Variants in DYNC2H1 observed in about 807,000 individuals in gnomAD.
DYNC2H1 encodes the protein dynein cytoplasmic 2 heavy chain 1, also known as cytoplasmic dynein 2 heavy chain 1.
Under a neutral mutation model 570.0 loss-of-function variants are expected in DYNC2H1, and 410 were observed. The ratio of observed to expected loss-of-function variants is 0.72; its 90% CI spans 0.66 to 0.78. The LOEUF (loss-of-function observed/expected upper bound fraction) is 0.78, where lower values mean the gene tolerates loss of function less well. DYNC2H1 is among the 30% of genes least tolerant of loss of function. The pLI, the probability that DYNC2H1 is intolerant of heterozygous loss-of-function variation, is 0.00. For missense variants in DYNC2H1, 4,865 were observed against 5,046.4 expected (o/e 0.96, Z 1.09); for synonymous variants, 1,688 against 1,677.6 (o/e 1.01, Z -0.15).
chr11:103,443,174 G>A (rs183516480), intron 85 of DYNC2H1, among the ~76,000 whole-genome samples: 228 of 152,052 alleles, frequency 1.5e-3, no homozygotes, highest in Middle Eastern at 6.8e-3. Flanking sequence ...TACAATGGAA[G>A]GTTGTGAACA....
chr11:103,313,352 G>A (rs1490633278), intron 79 of DYNC2H1, among the ~76,000 whole-genome samples: 1 of 152,020 alleles, frequency 6.6e-6, no homozygotes, highest in East Asian at 1.9e-4. Context: ...TTTTTCCATT[G>A]CCATGGCAGT....
intron 84 of DYNC2H1, among the ~76,000 whole-genome samples, chr11:103,419,440 G>T (rs1237076125): frequency 3.3e-5 from 5 of 152,120 alleles, no homozygotes; most frequent in African/African-American, 1.2e-4. Flanking sequence ...GGAGCAGGCT[G>T]CCATCTCTGC....
At chr11:103,361,162 G>A (rs751049483) in intron 83 of DYNC2H1, among the ~76,000 whole-genome samples, 68 of 152,200 alleles carry the variant, frequency 4.5e-4, no homozygotes, top group Non-Finnish European at 7.9e-4. Context: ...AAATTCATAT[G>A]TTGAAGTCTT....
chr11:103,259,857 T>C (rs1165263548), intron 69 of DYNC2H1, 31 bp from the exon 70 acceptor site: 5 of 1,393,284 alleles, frequency 3.6e-6, no homozygotes, highest in Non-Finnish European at 1.9e-6. Context: ...GTTTATAAAT[T>C]TCCTAATGAA....
At chr11:103,294,643 C>T (rs145012984) in intron 75 of DYNC2H1, among the ~76,000 whole-genome samples, 167 of 152,230 alleles carry the variant, frequency 1.1e-3, no homozygotes, top group African/African-American at 2.8e-3. Context: ...CCTTGACCAC[C>T]GCAGCTGGCA....
At chr11:103,121,517 T>A (rs1858711697) in intron 10 of DYNC2H1, 21 bp downstream of exon 10, 1 of 1,608,842 alleles carries the variant, frequency 6.2e-7, no homozygotes, top group Non-Finnish European at 8.5e-7. Context: ...TAATAAAAGA[T>A]GAAGAGTACT....
At chr11:103,451,600 G>T (rs1159681335) in intron 85 of DYNC2H1, among the ~76,000 whole-genome samples, 1 of 151,878 alleles carries the variant, frequency 6.6e-6, no homozygotes, top group Non-Finnish European at 1.5e-5. Context: ...CAAAGTGCTG[G>T]GATTACAGGC....
intron 83 of DYNC2H1, among the ~76,000 whole-genome samples, chr11:103,371,344 C>T (rs1284270865): frequency 6.6e-6 from 1 of 151,868 alleles, no homozygotes; most frequent in Admixed American, 6.6e-5. Flanking sequence ...GAGTTATTGG[C>T]CTTAAAGAGG....
chr11:103,264,058 C>G lies in DYNC2H1; in HGVS notation c.10695+4081C>G, dbSNP rs1214054148. 1.3e-5 allele frequency among the ~76,000 whole-genome samples: 2 copies of G among 152,168 alleles called. No individual in the cohort carries two copies. Among genetic ancestry groups the G allele is most frequent in the African/African-American group, 4.8e-5 (2 of 41,440 alleles). On this transcript the variant is annotated intron_variant, in intron 70 of 88. Coordinates refer to ENST00000375735, the MANE Select transcript of DYNC2H1 (RefSeq NM_001377.3). The surrounding 1 kb of genome is among the most constrained non-coding windows in gnomAD (Gnocchi z 4.8). ...ATCCCACAGAAATACAAACTACCAT[C>G]AGAGAATACTATAAACACCTCTACG...
intron 13 of DYNC2H1, among the ~76,000 whole-genome samples, chr11:103,131,340 C>T (rs1004166172): frequency 3.3e-5 from 5 of 152,054 alleles, no homozygotes; most frequent in Non-Finnish European, 7.3e-5. Context: ...GTCGCCCAGG[C>T]TGGAGTGCAG....
At chr11:103,338,660 T>G (rs1370184226) in intron 82 of DYNC2H1, among the ~76,000 whole-genome samples, 4 of 152,214 alleles carry the variant, frequency 2.6e-5, no homozygotes, top group African/African-American at 9.6e-5. Flanking sequence ...AGGAATTCTG[T>G]TTCATTTATT....
At position 103,271,266 on chromosome 11, in the gene DYNC2H1, A is replaced by C. The variant is rs1012620258; in HGVS notation, c.10696-9082A>C. On this transcript the variant is annotated intron_variant, in intron 70 of 88. Transcript: ENST00000375735. ...TAAAGTGAATCTTAATAAGTGACAC[A>C]ATTTTCTTCTGCTTAAATAACTTTG... 7.9e-5 allele frequency among the ~76,000 whole-genome samples: 12 copies of C among 152,204 alleles called. 1 individual carries two copies. Among genetic ancestry groups the C allele is most frequent in the Admixed American group, 7.9e-4 (12 of 15,278 alleles).
intron 42 of DYNC2H1, 62 bp from the exon 43 acceptor site, chr11:103,187,278 G>T: frequency 6.3e-7 from 1 of 1,594,162 alleles, no homozygotes; most frequent in Non-Finnish European, 8.5e-7. Flanking sequence ...TTCTTATTGA[G>T]TATAAAATGT....
chr11:103,394,114 C>A (rs907139448), intron 83 of DYNC2H1, among the ~76,000 whole-genome samples: 1 of 152,134 alleles, frequency 6.6e-6, no homozygotes, highest in Non-Finnish European at 1.5e-5. Context: ...CCCTTTATTT[C>A]AGCTCTTCAA....
chr11:103,199,163 A>G lies in DYNC2H1; in HGVS notation c.7840-65A>G, dbSNP rs1862617692. Reference sequence around the variant, plus strand: ...AAAATATAATATTTTAACCTAGGTAAGTAACATTTTTATTATGTAATTAGG... The same window carrying G: ...AAAATATAATATTTTAACCTAGGTAGGTAACATTTTTATTATGTAATTAGG... On this transcript the variant is annotated intron_variant, in intron 48 of 88. Transcript: ENST00000375735. The surrounding 1 kb of genome is among the most constrained non-coding windows in gnomAD (Gnocchi z 4.6). The G allele has an allele frequency of 1.1e-5, 12 of 1,141,430 alleles. No individual in the cohort carries two copies. The highest frequency in any genetic ancestry group is 3.1e-4 in the Middle Eastern group (1 of 3,264). The allele number at this position is 1,141,430 out of a possible 1,614,324, so 70.7% of individuals were successfully genotyped here. A position where few individuals can be genotyped will look rare whatever the true frequency, so the allele number is the denominator to read the frequency against.
chr11:103,253,823 G>C (rs377628599), intron 66 of DYNC2H1, among the ~76,000 whole-genome samples: 1 of 152,092 alleles, frequency 6.6e-6, no homozygotes, highest in African/African-American at 2.4e-5. Flanking sequence ...CTAGTTAAGA[G>C]TCTTTGATTC....
In DYNC2H1 at chr11:103,456,328, G is replaced by C. The variant is rs369586383; in HGVS notation, c.12620G>C (p.Arg4207Pro). The change falls in exon 87 of 89, where the codon CGA becomes CCA. Residue 4207 changes from arginine to proline, a missense_variant. By Grantham distance (103) the Arg-to-Pro change is moderately radical. Around this residue, in one of 5 missense-constraint regions of DYNC2H1, gnomAD observed 2,401 missense variants for 2,454.6 expected, o/e 0.98. Coordinates refer to ENST00000375735, the MANE Select transcript of DYNC2H1 (RefSeq NM_001377.3). Reference protein sequence around the residue: ...SLKFVASWKGRLQEAKLQIKI... With the variant: ...SLKFVASWKGPLQEAKLQIKI... The stretch of plus-strand genomic sequence containing the variant: ...AAATTTGTAGCCTCATGGAAAGGTC[G>C]ACTGCAAGAAGCAAAGCTACAAATT... 2.4e-5 allele frequency: 38 copies of C among 1,606,964 alleles called. No homozygotes were observed. In the African/African-American group the frequency reaches 4.4e-4, roughly 19 times the overall value.
In DYNC2H1 at chr11:103,199,538, C is replaced by T. The variant is rs980169025; in HGVS notation, c.8088+62C>T. 4.3e-6 allele frequency: 6 copies of T among 1,400,850 alleles called. No individual in the cohort carries two copies. In the African/African-American group the frequency reaches 4.3e-5, roughly 10 times the overall value. 86.8% of individuals were successfully genotyped at this position (1,400,850 alleles called of 1,614,324 possible). ...AAATTACATTGGTTATTACTCTAAA[C>T]ATCTTTAAAGACCTAAAGGTTTAAA... is the stretch of plus-strand genomic sequence containing the variant. On this transcript the variant is annotated intron_variant, in intron 49 of 88. Coordinates refer to ENST00000375735, the MANE Select transcript of DYNC2H1 (RefSeq NM_001377.3). The surrounding 1 kb of genome is among the most constrained non-coding windows in gnomAD (Gnocchi z 4.6).
chr11:103,410,624 G>A (rs1943046406), intron 84 of DYNC2H1, among the ~76,000 whole-genome samples: 1 of 152,088 alleles, frequency 6.6e-6, no homozygotes, highest in Non-Finnish European at 1.5e-5. Flanking sequence ...TAAGCATAGT[G>A]GGGTATCTAA....
Sources: gnomAD v4.1 joint callset for allele counts (sites outside exome capture counted in the v4.1 genomes callset) on GRCh38, gnomAD v4.1.1 for gene constraint, gnomAD v4.1.1 regional missense constraint, Gnocchi (gnomAD v3.1) non-coding constraint, MANE v1.5 for transcripts, NCBI Gene and HGNC (gene_info 2026-07-23, HGNC 2026-07-21) for gene names.